LNX2: variants seen among roughly 807,000 people sequenced by gnomAD.
The protein encoded by LNX2 is ligand of numb-protein X 2, also known as ligand of Numb protein X 2.
Under a neutral mutation model 66.2 loss-of-function variants are expected in LNX2, and 35 were observed. That is an observed-to-expected ratio of 0.53 (90% CI 0.40 to 0.70). The LOEUF (loss-of-function observed/expected upper bound fraction) is 0.70, where lower values mean the gene tolerates loss of function less well. LNX2 is among the 30% of genes least tolerant of loss of function. The probability of loss-of-function intolerance (pLI) is 0.00; values close to 1 mark genes in which losing one functional copy is unlikely to be tolerated. For synonymous variants in LNX2, 337 were observed against 315.6 expected, an observed-to-expected ratio of 1.07 and a Z score of -0.72; for missense variants, 791 against 850.8, an observed-to-expected ratio of 0.93 and a Z score of 0.87.
intron 1 of LNX2, among the ~76,000 whole-genome samples, chr13:27,617,593 T>TA (rs1010128188): frequency 5.9e-5 from 9 of 152,218 alleles, no homozygotes; most frequent in African/African-American, 2.2e-4. Context: ...TAGAAATGCC[T>TA]AATATTCAAT....
At chr13:27,565,622 G>T (rs1566118581) in intron 4 of LNX2, among the ~76,000 whole-genome samples, 1 of 152,170 alleles carries the variant, frequency 6.6e-6, no homozygotes, top group Non-Finnish European at 1.5e-5. Flanking sequence ...TAAATAGCTA[G>T]CTATGACAGG....
chr13:27,569,189 G>C lies in LNX2; in HGVS notation c.495C>G (p.Pro165=), dbSNP rs758928033. Reference sequence around the variant, plus strand: ...AGGTACCTGCAGGATCTAGTAGAGTGGGCCCATTTTCATTCTCAATCTCTG... The same window carrying C: ...AGGTACCTGCAGGATCTAGTAGAGTCGGCCCATTTTCATTCTCAATCTCTG... The part of the protein sequence containing the change: ...TQAEIENENG[P]TLLDPAGTLS... The change falls in exon 3 of 10, where the codon CCC becomes CCG. Residue 165 remains proline (P), a synonymous_variant. Transcript: ENST00000316334. 1.9e-6 allele frequency: 3 copies of C among 1,612,702 alleles called. No individual in the cohort carries two copies. Among genetic ancestry groups the C allele is most frequent in the Non-Finnish European group, 2.5e-6 (3 of 1,179,478 alleles).
At chr13:27,583,936 G>T (rs1955454409) in intron 1 of LNX2, among the ~76,000 whole-genome samples, 1 of 152,116 alleles carries the variant, frequency 6.6e-6, no homozygotes, top group African/African-American at 2.4e-5. Context: ...AAAAAACATG[G>T]GACTGCTGAG....
At chr13:27,548,525 T>C (rs1954970339) in intron 9 of LNX2, 55 bp from the exon 10 acceptor site, 4 of 1,558,046 alleles carry the variant, frequency 2.6e-6, no homozygotes, top group Middle Eastern at 1.7e-4. Context: ...ATTAAAAATA[T>C]CCCAATTGAG....
At chr13:27,598,247 T>A (rs1955621012) in intron 1 of LNX2, among the ~76,000 whole-genome samples, 2 of 148,438 alleles carry the variant, frequency 1.3e-5, no homozygotes, top group African/African-American at 2.5e-5. Flanking sequence ...ATGGCCCACA[T>A]CTGGCTGAAA....
At chr13:27,573,337 CT>C (rs1281343606) in intron 2 of LNX2, among the ~76,000 whole-genome samples, 1 of 151,810 alleles carries the variant, frequency 6.6e-6, no homozygotes, top group Non-Finnish European at 1.5e-5. Flanking sequence ...TTTTTTCCCC[CT>C]ATACTTGTTT....
intron 2 of LNX2, among the ~76,000 whole-genome samples, chr13:27,572,464 C>T (rs1286399114): frequency 6.6e-6 from 1 of 152,218 alleles, no homozygotes; most frequent in Non-Finnish European, 1.5e-5. Context: ...GCAGTGCAAT[C>T]TGCCATGGGC....
chr13:27,613,444 G>C (rs1347433874), intron 1 of LNX2, among the ~76,000 whole-genome samples: 4 of 152,176 alleles, frequency 2.6e-5, no homozygotes, highest in Non-Finnish European at 5.9e-5. Flanking sequence ...GGAAAATTTA[G>C]GGAAACGACA....
At chr13:27,582,573 G>A (rs1955412555) in intron 1 of LNX2, among the ~76,000 whole-genome samples, 1 of 152,150 alleles carries the variant, frequency 6.6e-6, no homozygotes, top group Non-Finnish European at 1.5e-5. Context: ...CACATTTACA[G>A]TACAATATCA....
intron 1 of LNX2, among the ~76,000 whole-genome samples, chr13:27,587,759 C>T (rs1264946850): frequency 3.3e-5 from 5 of 151,788 alleles, no homozygotes; most frequent in African/African-American, 4.8e-5. Flanking sequence ...CGGTGGCTCA[C>T]GCCTGTAATC....
At chr13:27,569,464 A>G (rs1593245506) in intron 2 of LNX2, among the ~76,000 whole-genome samples, 188 bp from the exon 3 acceptor site, 2 of 152,222 alleles carry the variant, frequency 1.3e-5, no homozygotes, top group East Asian at 3.8e-4. Flanking sequence ...CAGATAATCA[A>G]GAACAGAAGG....
intron 1 of LNX2, among the ~76,000 whole-genome samples, chr13:27,618,766 AG>A (rs1445212465): frequency 6.6e-6 from 1 of 152,246 alleles, no homozygotes; most frequent in African/African-American, 2.4e-5. Flanking sequence ...CGGCCAGACA[AG>A]CCCATATGCA....
chr13:27,563,130 C>G (rs2138343968), intron 4 of LNX2, among the ~76,000 whole-genome samples: 1 of 152,222 alleles, frequency 6.6e-6, no homozygotes, highest in East Asian at 1.9e-4. Context: ...AATGTGTTTA[C>G]TTCATGGGAT....
In LNX2 at chr13:27,581,638, C is replaced by T. The variant is rs750371954; in HGVS notation, c.66G>A (p.Leu22=). 1.2e-6 allele frequency: 2 copies of T among 1,614,082 alleles called. No individual in the cohort carries two copies. The highest frequency in any genetic ancestry group is 1.7e-6 in the Non-Finnish European group (2 of 1,179,996). ...AGTGCTGTTGGCCACATTCAAAACACAGGGGGTTTAGAGAAGAGGAGGAGG... is the reference window on the plus strand; with the variant it reads ...AGTGCTGTTGGCCACATTCAAAACATAGGGGGTTTAGAGAAGAGGAGGAGG... ...EQTSSSSLNP[L]CFECGQQHWT... Residue 22 remains leucine, a synonymous_variant, in exon 2 of 10, where the codon CTG becomes CTA. Transcript: ENST00000316334.
At chr13:27,556,739 C>T (rs1250168545) in intron 6 of LNX2, among the ~76,000 whole-genome samples, 2 of 152,160 alleles carry the variant, frequency 1.3e-5, no homozygotes, top group East Asian at 3.9e-4. Context: ...GTAAATGATG[C>T]TTTTGAGTTT....
chr13:27,556,453 A>C, intron 6 of LNX2, 40 bp from the exon 7 acceptor site: 19 of 1,543,998 alleles, frequency 1.2e-5, no homozygotes, highest in Non-Finnish European at 1.7e-5. Context: ...TAATGAATAA[A>C]ATATAGTTGA....
intron 5 of LNX2, among the ~76,000 whole-genome samples, chr13:27,561,959 T>G (rs566086355): frequency 1.3e-5 from 2 of 152,356 alleles, no homozygotes; most frequent in South Asian, 4.1e-4. Flanking sequence ...GTGAATTCCT[T>G]AGAAACAACA....
intron 2 of LNX2, among the ~76,000 whole-genome samples, chr13:27,578,640 T>C (rs796294659): frequency 5.3e-5 from 8 of 152,312 alleles, no homozygotes; most frequent in African/African-American, 1.7e-4. Flanking sequence ...GAACCACTTA[T>C]GTAAGAACTT....
Position 27,556,387 on chromosome 13 carries a change from T to G in LNX2, c.1395A>C (p.Gln465His). 1 of 1,613,996 alleles carries G rather than the reference T, an allele frequency of 6.2e-7. No homozygotes were observed. The highest frequency in any genetic ancestry group is 8.5e-7 in the Non-Finnish European group (1 of 1,179,944). ...CCTTCTTTACAGTAATGTGTTTTTC[T>G]TGGCATGTAACACACTGAGTAAGAT... is the stretch of plus-strand genomic sequence containing the variant. ...HKDLTQCVTC[Q>H]EKHITVKKEP... Residue 465 changes from glutamine to histidine, a missense_variant, in exon 7 of 10, where the codon CAA becomes CAC. Coordinates refer to ENST00000316334, the MANE Select transcript of LNX2 (RefSeq NM_153371.4).
Sources: allele counts gnomAD v4.1 joint callset (sites outside exome capture counted in the v4.1 genomes callset), GRCh38; gene constraint gnomAD v4.1.1; transcripts MANE v1.5; gene names NCBI Gene and HGNC (gene_info 2026-07-23, HGNC 2026-07-21).